VWA8: variants seen among roughly 807,000 people sequenced by gnomAD.
VWA8 encodes the protein von Willebrand factor A domain containing 8, also known as von Willebrand factor A domain-containing protein 8.
VWA8 carries 221 observed loss-of-function variants against 241.5 expected under a neutral mutation model. That is an observed-to-expected ratio of 0.91 (90% CI 0.82 to 1.02). The LOEUF is 1.02. Ranked by LOEUF, VWA8 falls within the 50% of genes least tolerant of loss-of-function variation. The pLI is 0.00. For synonymous variants in VWA8, 852 were observed against 827.1 expected (o/e 1.03, Z -0.52); for missense variants, 2,322 against 2,328.7 (o/e 1.00, Z 0.06).
intron 12 of VWA8, among the ~76,000 whole-genome samples, chr13:41,851,419 T>A (rs561419174): frequency 1.3e-5 from 2 of 152,258 alleles, no homozygotes; most frequent in African/African-American, 4.8e-5. Context: ...TGATATGGTT[T>A]GGCTATGTGC....
intron 12 of VWA8, among the ~76,000 whole-genome samples, chr13:41,843,126 C>G (rs1484317643): frequency 6.6e-6 from 1 of 152,126 alleles, no homozygotes; most frequent in East Asian, 1.9e-4. Context: ...AGTAAATCAA[C>G]TTGTTAAAGA....
At chr13:41,905,373 T>C (rs534191271) in intron 4 of VWA8, 16 of 152,226 alleles carry the variant, frequency 1.1e-4, no homozygotes, top group African/African-American at 3.8e-4. Flanking sequence ...TTGTTACCTA[T>C]TACCATTTAT....
At chr13:41,914,967 C>A (rs1876182896) in intron 2 of VWA8, among the ~76,000 whole-genome samples, 2 of 152,116 alleles carry the variant, frequency 1.3e-5, no homozygotes, top group South Asian at 4.1e-4. Flanking sequence ...ACCTTGGAAC[C>A]ATAATCATTT....
intron 2 of VWA8, among the ~76,000 whole-genome samples, chr13:41,918,722 A>T (rs1453143945): frequency 6.6e-6 from 1 of 152,188 alleles, no homozygotes. Context: ...CTGTACATAC[A>T]AAAGTATGGT....
intron 34 of VWA8, 51 bp from the exon 35 acceptor site, chr13:41,685,293 C>G (rs141185302): frequency 6.5e-7 from 1 of 1,535,506 alleles, no homozygotes; most frequent in African/African-American, 1.4e-5. Flanking sequence ...ACTACATTCA[C>G]CACAACCTTA....
chr13:41,568,206 C>G lies in VWA8; in HGVS notation c.5709G>C (p.Ser1903=). 3 of 1,613,544 alleles carry G rather than the reference C, an allele frequency of 1.9e-6. No homozygotes were observed. The highest frequency in any genetic ancestry group is 2.5e-6 in the Non-Finnish European group (3 of 1,179,548). Residue 1903 remains serine (S), a synonymous_variant, in exon 45 of 45, where the codon TCG becomes TCC. Coordinates refer to ENST00000379310, the MANE Select transcript of VWA8 (RefSeq NM_015058.2). ...TGATGAAGGGCACTTCTTAGACACT[C>G]GACAACATGGTGGAGGTGAAGATCT... ...LQQIFTSTML[S]SV
At chr13:41,894,964 G>A (rs550875252) in intron 4 of VWA8, among the ~76,000 whole-genome samples, 35 of 152,118 alleles carry the variant, frequency 2.3e-4, no homozygotes, top group African/African-American at 8.4e-4. Flanking sequence ...CTGCTGCAGG[G>A]ACTTGGTTGG....
At chr13:41,817,920 GCTCCCATGTGGATACTGAGTA>G (rs1218454528) in intron 15 of VWA8, among the ~76,000 whole-genome samples, 5 of 152,066 alleles carry the variant, frequency 3.3e-5, no homozygotes, top group Non-Finnish European at 7.4e-5. Context: ...GTAGCCAAAA[GCTCCCATGTGGATACTGAGTA>G]CTTGAAAAGT....
At chr13:41,750,482 GAAAAAAAGA>G (rs2045647069) in intron 21 of VWA8, among the ~76,000 whole-genome samples, 1 of 122,122 alleles carries the variant, frequency 8.2e-6, no homozygotes, top group Admixed American at 8.5e-5. Context: ...AAAAAAAAAG[GAAAAAAAGA>G]AAGGAAGGAA....
At chr13:41,853,923 T>C (rs1292074037) in intron 12 of VWA8, among the ~76,000 whole-genome samples, 9 of 152,218 alleles carry the variant, frequency 5.9e-5, no homozygotes, top group Non-Finnish European at 1.0e-4. Context: ...TCAAGGAGCT[T>C]ACAAACGATA....
chr13:41,714,920 TATTGATA>T (rs2045339043), intron 26 of VWA8, among the ~76,000 whole-genome samples: 1 of 151,982 alleles, frequency 6.6e-6, no homozygotes, highest in African/African-American at 2.4e-5. Flanking sequence ...AAGCCAAAAC[TATTGATA>T]ATTTTCAGTA....
chr13:41,918,396 T>A (rs1278953787), intron 2 of VWA8, among the ~76,000 whole-genome samples: 2 of 152,186 alleles, frequency 1.3e-5, no homozygotes, highest in Non-Finnish European at 2.9e-5. Context: ...ATTATACATA[T>A]CCATATTCAA....
Position 41,701,456 on chromosome 13 carries a change from T to C in VWA8, c.3300A>G (p.Glu1100=), listed in dbSNP as rs1276957563. 2 of 1,612,634 alleles carry C rather than the reference T, an allele frequency of 1.2e-6. No homozygotes were observed. Among genetic ancestry groups the C allele is most frequent in the Non-Finnish European group, 8.5e-7 (1 of 1,179,318 alleles). The change falls in exon 28 of 45, where the codon GAA becomes GAG. Residue 1100 remains glutamate (E), a synonymous_variant. Coordinates refer to ENST00000379310, the MANE Select transcript of VWA8 (RefSeq NM_015058.2). ...CCAATGGTATTCTCCATGAGGCACA[T>C]TCTTCAGTAAAGTTTAGGGATCTTT... ...HEERSLNFTE[E]CASWRIPLDE...
At chr13:41,868,204 C>T (rs763292632) in intron 10 of VWA8, 142 bp downstream of exon 10, 13 of 895,820 alleles carry the variant, frequency 1.5e-5, no homozygotes, top group Non-Finnish European at 2.0e-5. Context: ...ACACATGACT[C>T]TGGAGACATA....
chr13:41,659,843 T>C (rs1483392834), intron 37 of VWA8, among the ~76,000 whole-genome samples: 1 of 152,202 alleles, frequency 6.6e-6, no homozygotes, highest in African/African-American at 2.4e-5. Flanking sequence ...GACAACCTAC[T>C]GAACCAAGGC....
chr13:41,851,562 G>T (rs1182521075), intron 12 of VWA8, among the ~76,000 whole-genome samples: 1 of 152,158 alleles, frequency 6.6e-6, no homozygotes, highest in African/African-American at 2.4e-5. Flanking sequence ...AGTCTCATAA[G>T]ATCTGATGGA....
chr13:41,660,162 C>G (rs774354002), intron 37 of VWA8, among the ~76,000 whole-genome samples: 1 of 151,880 alleles, frequency 6.6e-6, no homozygotes, highest in Non-Finnish European at 1.5e-5. Context: ...ATCACCCAGG[C>G]TGGAGTACAG....
chr13:41,688,484 G>A lies in VWA8; in HGVS notation c.4131+870C>T, dbSNP rs541164373. On this transcript the variant is annotated intron_variant, in intron 34 of 44. Transcript: ENST00000379310. ...CCCCACATTTCCATCAGAGGAAGAT[G>A]TCGCCCAGTTTCACCTACAGTCAAT... is the stretch of plus-strand genomic sequence containing the variant. Among the ~76,000 whole-genome samples, 5 of 152,196 alleles carry A rather than the reference G, an allele frequency of 3.3e-5. No individual in the cohort carries two copies. In the South Asian group the frequency reaches 1.0e-3, roughly 32 times the overall value.
chr13:41,801,921 G>A (rs576686674), intron 17 of VWA8, among the ~76,000 whole-genome samples: 19 of 152,314 alleles, frequency 1.2e-4, no homozygotes, highest in Admixed American at 1.2e-3. Context: ...ATTATTGAAT[G>A]TCTAAATAAG....
Sources: gnomAD v4.1 joint callset for allele counts (sites outside exome capture counted in the v4.1 genomes callset) on GRCh38, gnomAD v4.1.1 for gene constraint, MANE v1.5 for transcripts, NCBI Gene and HGNC (gene_info 2026-07-23, HGNC 2026-07-21) for gene names.